CDKAL1: variants seen among roughly 807,000 people sequenced by gnomAD.
CDKAL1 encodes threonylcarbamoyladenosine tRNA methylthiotransferase.
CDKAL1 carries 32 observed loss-of-function variants against 68.2 expected under a neutral mutation model. That is an observed-to-expected ratio of 0.47 (90% CI 0.35 to 0.63). The LOEUF (loss-of-function observed/expected upper bound fraction) is 0.63, where lower values mean the gene tolerates loss of function less well. Among genes scored for constraint, CDKAL1 ranks in the 30% least tolerant of loss-of-function variants. The pLI is 0.00. For synonymous variants in CDKAL1, 234 were observed against 244.3 expected (o/e 0.96, Z 0.39); for missense variants, 606 against 696.7 (o/e 0.87, Z 1.47).
At chr6:21,182,468 T>C (rs1777829695) in intron 13 of CDKAL1, among the ~76,000 whole-genome samples, 1 of 152,178 alleles carries the variant, frequency 6.6e-6, no homozygotes, top group Admixed American at 6.6e-5. Flanking sequence ...CTAGGTTATT[T>C]CCCTTAAAAT....
At chr6:20,943,536 T>C (rs190740800) in intron 9 of CDKAL1, among the ~76,000 whole-genome samples, 4 of 152,220 alleles carry the variant, frequency 2.6e-5, no homozygotes, top group African/African-American at 9.6e-5. Flanking sequence ...TCTGTTCTGT[T>C]CATTTTTATT....
intron 11 of CDKAL1, among the ~76,000 whole-genome samples, chr6:21,042,387 T>A (rs1489455668): frequency 1.3e-5 from 2 of 152,134 alleles, no homozygotes; most frequent in Non-Finnish European, 2.9e-5. Context: ...ACGTGGTCCC[T>A]GCCCTACCTG....
At chr6:20,960,380 A>G (rs2150735874) in intron 10 of CDKAL1, among the ~76,000 whole-genome samples, 1 of 152,344 alleles carries the variant, frequency 6.6e-6, no homozygotes, top group South Asian at 2.1e-4. Context: ...TTTCTAATCT[A>G]TTCTAATTCG....
At position 21,220,281 on chromosome 6, in the gene CDKAL1, T is replaced by G. The variant is rs577259179; in HGVS notation, c.1549-10567T>G. Among the ~76,000 whole-genome samples, 22 of 152,306 alleles carry G rather than the reference T, an allele frequency of 1.4e-4. No homozygotes were observed. In the South Asian group the frequency reaches 4.4e-3, roughly 30 times the overall value. On this transcript the variant is annotated intron_variant, in intron 15 of 15. Transcript: ENST00000274695. Reference sequence around the variant, plus strand: ...CTGATATTTAGTTAGCAGAAGAGACTTAAATGACAAGTTCTAGAATAATTT... The same window carrying G: ...CTGATATTTAGTTAGCAGAAGAGACGTAAATGACAAGTTCTAGAATAATTT...
chr6:20,893,963 G>C (rs1156884156), intron 9 of CDKAL1, among the ~76,000 whole-genome samples: 1 of 152,148 alleles, frequency 6.6e-6, no homozygotes, highest in Non-Finnish European at 1.5e-5. Context: ...TGCAGTCCTT[G>C]TCGAAGCATT....
intron 8 of CDKAL1, among the ~76,000 whole-genome samples, chr6:20,838,056 G>A (rs1778028472): frequency 6.7e-6 from 1 of 148,924 alleles, no homozygotes; most frequent in Admixed American, 6.7e-5. Context: ...TTTTATATAT[G>A]TATACATCCA....
chr6:20,618,299 T>C (rs1440643248), intron 4 of CDKAL1, among the ~76,000 whole-genome samples: 1 of 152,188 alleles, frequency 6.6e-6, no homozygotes, highest in African/African-American at 2.4e-5. Flanking sequence ...ATTCTTTGTA[T>C]ATTCTGGATA....
At chr6:20,718,490 T>C (rs1303329748) in intron 5 of CDKAL1, among the ~76,000 whole-genome samples, 1 of 152,174 alleles carries the variant, frequency 6.6e-6, no homozygotes, top group Admixed American at 6.5e-5. Context: ...TTGAGTACTG[T>C]TTAGGGTTTT....
intron 13 of CDKAL1, among the ~76,000 whole-genome samples, chr6:21,159,174 C>G (rs1006499849): frequency 1.4e-5 from 2 of 143,156 alleles, no homozygotes; most frequent in African/African-American, 5.2e-5. Flanking sequence ...CTATAGTATT[C>G]TTGAAAAATG....
intron 9 of CDKAL1, among the ~76,000 whole-genome samples, chr6:20,943,359 G>GA (rs1764087046): frequency 1.4e-5 from 2 of 138,452 alleles, no homozygotes; most frequent in African/African-American, 2.8e-5. Flanking sequence ...AAGAAAAAAA[G>GA]AAAAAAAAAG....
intron 9 of CDKAL1, among the ~76,000 whole-genome samples, chr6:20,907,283 A>G (rs1397097628): frequency 6.6e-6 from 1 of 152,174 alleles, no homozygotes; most frequent in Non-Finnish European, 1.5e-5. Flanking sequence ...TTGGCCAGGC[A>G]TGATGGCATG....
At chr6:20,621,766 A>C (rs1409193741) in intron 4 of CDKAL1, among the ~76,000 whole-genome samples, 3 of 122,494 alleles carry the variant, frequency 2.4e-5, no homozygotes, top group African/African-American at 6.5e-5. Flanking sequence ...CCCTTTGCAT[A>C]CCTCAGTGTT....
At chr6:21,008,658 CT>C (rs950558620) in intron 11 of CDKAL1, among the ~76,000 whole-genome samples, 1 of 152,114 alleles carries the variant, frequency 6.6e-6, no homozygotes, top group Admixed American at 6.5e-5. Flanking sequence ...CTTCATGGTC[CT>C]TTTTTGACTG....
At chr6:20,838,571 C>G (rs1211651296) in intron 8 of CDKAL1, among the ~76,000 whole-genome samples, 1 of 152,100 alleles carries the variant, frequency 6.6e-6, no homozygotes, top group Non-Finnish European at 1.5e-5. Flanking sequence ...TATCTTTTAC[C>G]ATGCTATTTT....
rs1766628006 is a variant in CDKAL1, at chr6:20,611,764, TCTA to T, written c.287-37528_287-37526del. Among the ~76,000 whole-genome samples, 3 of 152,184 alleles carry T rather than the reference TCTA, an allele frequency of 2.0e-5. No individual in the cohort carries two copies. In the South Asian group the frequency reaches 6.2e-4, roughly 32 times the overall value. ...ACTGGGAACATGTCAGGTCCTCTCTTCTAGTTGTATATTTGAAATATACAATAT... is the reference window on the plus strand; with the variant it reads ...ACTGGGAACATGTCAGGTCCTCTCTTGTTGTATATTTGAAATATACAATAT... On this transcript the variant is annotated intron_variant, in intron 4 of 15. Coordinates refer to ENST00000274695, the MANE Select transcript of CDKAL1 (RefSeq NM_017774.3).
intron 12 of CDKAL1, among the ~76,000 whole-genome samples, chr6:21,089,288 C>T (rs1399856505): frequency 6.6e-6 from 1 of 151,990 alleles, no homozygotes; most frequent in Non-Finnish European, 1.5e-5. Context: ...CCAGCCTGGG[C>T]AACATAGTGA....
intron 5 of CDKAL1, among the ~76,000 whole-genome samples, chr6:20,665,360 G>A (rs28665000): frequency 0.21 from 32,095 of 152,062 alleles, 4,152 homozygotes; most frequent in East Asian, 0.38. Flanking sequence ...AATGCAATAC[G>A]TATTTCAAAA....
chr6:20,860,871 A>G (rs775147411), intron 9 of CDKAL1, among the ~76,000 whole-genome samples: 2 of 151,900 alleles, frequency 1.3e-5, no homozygotes, highest in Non-Finnish European at 2.9e-5. Flanking sequence ...AAAATAATTT[A>G]TAAACTAATA....
rs1774081322 is a variant in CDKAL1 at position 20,754,466 on chromosome 6, T to C, written c.469-4129T>C. ...ATCCATCTCTAGAATATTTTCATTT[T>C]CTCATACTAAAACTCTATACCCATT... On this transcript the variant is annotated intron_variant, in intron 6 of 15. Transcript: ENST00000274695. Among the ~76,000 whole-genome samples, 8 of 152,224 alleles carry C rather than the reference T, an allele frequency of 5.3e-5. 1 individual carries two copies. Among genetic ancestry groups the C allele is most frequent in the Admixed American group, 5.2e-4 (8 of 15,286 alleles).
Sources: gnomAD v4.1 joint callset for allele counts (sites outside exome capture counted in the v4.1 genomes callset) on GRCh38, gnomAD v4.1.1 for gene constraint, MANE v1.5 for transcripts, NCBI Gene and HGNC (gene_info 2026-07-23, HGNC 2026-07-21) for gene names.